Variants in GLG1 observed in about 807,000 individuals in gnomAD.
The protein encoded by GLG1 is golgi glycoprotein 1.
Under a neutral mutation model 160.5 loss-of-function variants are expected in GLG1, and 38 were observed. The ratio of observed to expected loss-of-function variants is 0.24; its 90% CI spans 0.18 to 0.31. The LOEUF (loss-of-function observed/expected upper bound fraction) is 0.31. Among genes scored for constraint, GLG1 ranks in the 10% least tolerant of loss-of-function variants. The probability of loss-of-function intolerance (pLI) is 1.00; values close to 1 mark genes in which losing one functional copy is unlikely to be tolerated. For synonymous variants in GLG1, 644 were observed against 543.4 expected, an observed-to-expected ratio of 1.19 and a Z score of -2.57; for missense variants, 1,373 against 1,505.2, an observed-to-expected ratio of 0.91 and a Z score of 1.45.
At chr16:74,498,408 G>A (rs1335282628) in intron 4 of GLG1, among the ~76,000 whole-genome samples, 1 of 70,912 alleles carries the variant, frequency 1.4e-5, no homozygotes, top group Non-Finnish European at 2.9e-5. Flanking sequence ...CTCCAGACTG[G>A]GAGGTGCAGT....
At chr16:74,588,307 A>T (rs141413062) in intron 1 of GLG1, among the ~76,000 whole-genome samples, 24 of 152,336 alleles carry the variant, frequency 1.6e-4, no homozygotes, top group South Asian at 2.1e-4. Flanking sequence ...ATAGCATGAA[A>T]ATATGTTATC....
chr16:74,518,781 T>G (rs1872559393), intron 2 of GLG1, among the ~76,000 whole-genome samples: 1 of 152,146 alleles, frequency 6.6e-6, no homozygotes, highest in Non-Finnish European at 1.5e-5. Context: ...TGGGAGAACA[T>G]TTTTGCAATC....
At chr16:74,492,936 A>G in intron 7 of GLG1, 21 bp downstream of exon 7, 2 of 1,503,344 alleles carry the variant, frequency 1.3e-6, no homozygotes, top group Non-Finnish European at 1.8e-6. Context: ...ATGATAATTA[A>G]AAAAAAAATA....
At position 74,602,961 on chromosome 16, in the gene GLG1, G is replaced by A. The variant is rs569034955; in HGVS notation, c.438+3696C>T. ...AGATCACCTAAGGTGAGGAGTTCAA[G>A]ACCAGCCTGGCCAAGGTGATGAAGA... On this transcript the variant is annotated intron_variant, in intron 1 of 25. Transcript: ENST00000422840. Among the ~76,000 whole-genome samples, 8 of 151,796 alleles carry A rather than the reference G, an allele frequency of 5.3e-5. No homozygotes were observed. In the South Asian group the frequency reaches 1.0e-3, roughly 20 times the overall value.
chr16:74,499,586 T>C (rs929714320), intron 4 of GLG1, among the ~76,000 whole-genome samples: 2 of 152,222 alleles, frequency 1.3e-5, no homozygotes, highest in Non-Finnish European at 2.9e-5. Context: ...CTATACTCTA[T>C]GATACTCACA....
At chr16:74,496,405 A>G in intron 5 of GLG1, 36 bp downstream of exon 5, 1 of 1,367,542 alleles carries the variant, frequency 7.3e-7, no homozygotes, top group Non-Finnish European at 1.0e-6. Flanking sequence ...GTGTAAAAAT[A>G]AAAGGAAGAA....
chr16:74,536,470 A>G (rs1039394090), intron 1 of GLG1, among the ~76,000 whole-genome samples: 41 of 152,318 alleles, frequency 2.7e-4, no homozygotes, highest in African/African-American at 9.9e-4. Flanking sequence ...CAAAGACAAC[A>G]TTCTATCTGG....
chr16:74,564,427 T>C (rs542371748), intron 1 of GLG1, among the ~76,000 whole-genome samples: 114 of 152,340 alleles, frequency 7.5e-4, no homozygotes, highest in Admixed American at 2.3e-3. Flanking sequence ...CTCCTAACAG[T>C]CATAATAGCA....
chr16:74,542,710 GAAGAAGGGA>G (rs1567513797), intron 1 of GLG1, among the ~76,000 whole-genome samples: 3 of 17,290 alleles, frequency 1.7e-4, no homozygotes, highest in Non-Finnish European at 3.0e-4. Context: ...GGGAGGAAGG[GAAGAAGGGA>G]AGGAAGGAAG....
intron 24 of GLG1, among the ~76,000 whole-genome samples, chr16:74,457,052 G>A (rs538576290): frequency 9.9e-5 from 15 of 152,252 alleles, no homozygotes; most frequent in African/African-American, 3.6e-4. Flanking sequence ...GATCCCTTGA[G>A]CCCACGACTT....
chr16:74,520,344 T>TA (rs2017121872), intron 2 of GLG1, among the ~76,000 whole-genome samples: 1 of 152,168 alleles, frequency 6.6e-6, no homozygotes, highest in African/African-American at 2.4e-5. Flanking sequence ...GGGCTTTATT[T>TA]AAAAACACGT....
intron 1 of GLG1, among the ~76,000 whole-genome samples, chr16:74,583,761 A>G (rs1434151660): frequency 6.6e-6 from 1 of 151,930 alleles, no homozygotes; most frequent in Non-Finnish European, 1.5e-5. Context: ...ACATATCCAG[A>G]CTCCAATTAG....
In GLG1 at chr16:74,594,371, T is replaced by C. The variant is rs1483115152; in HGVS notation, c.438+12286A>G. Among the ~76,000 whole-genome samples, 4 of 152,248 alleles carry C rather than the reference T, an allele frequency of 2.6e-5. No homozygotes were observed. The East Asian group carries it at 7.7e-4, about 29-fold the overall frequency. The stretch of plus-strand genomic sequence containing the variant: ...CTTTAATAGGAAAATGTACAGGTCC[T>C]GTAAATATCACACATTCAGTCAAAC... On this transcript the variant is annotated intron_variant, in intron 1 of 25. Coordinates refer to ENST00000422840, the MANE Select transcript of GLG1 (RefSeq NM_001145667.2).
At chr16:74,527,524 A>G (rs1375047815) in intron 2 of GLG1, among the ~76,000 whole-genome samples, 1 of 152,036 alleles carries the variant, frequency 6.6e-6, no homozygotes, top group Non-Finnish European at 1.5e-5. Context: ...TGCTGGGATT[A>G]CAGGCGTGAG....
intron 5 of GLG1, 62 bp from the exon 6 acceptor site, chr16:74,494,893 C>T: frequency 2.4e-6 from 2 of 831,326 alleles, no homozygotes; most frequent in Non-Finnish European, 4.2e-6. Flanking sequence ...GAACATTATC[C>T]ACAATCTCAT....
rs2014337281 is a variant in GLG1, at chr16:74,452,168, C to T, written c.*999G>A. On this transcript the variant is annotated 3_prime_UTR_variant, in exon 26 of 26. Coordinates refer to ENST00000422840, the MANE Select transcript of GLG1 (RefSeq NM_001145667.2). The stretch of plus-strand genomic sequence containing the variant: ...AGCAAAGTGAGTCAAACCTCTGGCT[C>T]CCACTTCCTGACCCACTGCTCCCCA... The T allele has an allele frequency of 6.2e-7, 1 of 1,609,710 alleles. No individual in the cohort carries two copies. The highest frequency in any genetic ancestry group is 2.2e-5 in the East Asian group (1 of 44,762).
At chr16:74,468,160 T>C (rs2015066569) in intron 17 of GLG1, 1 of 226,346 alleles carries the variant, frequency 4.4e-6, no homozygotes, top group African/African-American at 2.3e-5. Context: ...AGTTCTACTT[T>C]TATTATTACT....
chr16:74,492,365 CAAA>C (rs557279333), intron 7 of GLG1, among the ~76,000 whole-genome samples: 1 of 99,024 alleles, frequency 1.0e-5, no homozygotes, highest in Admixed American at 1.1e-4. Flanking sequence ...GACTCTGTCT[CAAA>C]AAAAAAAAAA....
chr16:74,582,522 G>A (rs1029991864), intron 1 of GLG1, among the ~76,000 whole-genome samples: 4 of 151,960 alleles, frequency 2.6e-5, no homozygotes, highest in African/African-American at 9.7e-5. Context: ...CAAACTTTTC[G>A]GTCAAAATCT....
Sources: allele counts gnomAD v4.1 joint callset (sites outside exome capture counted in the v4.1 genomes callset), GRCh38; gene constraint gnomAD v4.1.1; transcripts MANE v1.5; gene names NCBI Gene and HGNC (gene_info 2026-07-23, HGNC 2026-07-21).